The following TTC28 variants were observed in gnomAD, a reference collection of about 807,000 sequenced individuals.
TTC28 encodes tetratricopeptide repeat protein 28.
A neutral mutation model predicts 198.0 loss-of-function variants in TTC28; 61 were observed. That is an observed-to-expected ratio of 0.31 (90% CI 0.25 to 0.38). TTC28 has a LOEUF of 0.38. Among genes scored for constraint, TTC28 ranks in the 10% least tolerant of loss-of-function variants. The pLI is 1.00. For missense variants in TTC28, 2,678 were observed against 3,164.0 expected, an observed-to-expected ratio of 0.85 and a Z score of 3.69; for synonymous variants, 1,171 against 1,297.8, an observed-to-expected ratio of 0.90 and a Z score of 2.10.
intron 5 of TTC28, among the ~76,000 whole-genome samples, chr22:28,181,117 G>A (rs1923653981): frequency 6.6e-6 from 1 of 152,186 alleles, no homozygotes; most frequent in Admixed American, 6.5e-5. Flanking sequence ...CTTTTCCAAT[G>A]CTGTGGGACC....
intron 2 of TTC28, among the ~76,000 whole-genome samples, chr22:28,314,293 T>A (rs2045317696): frequency 6.6e-6 from 1 of 152,176 alleles, no homozygotes; most frequent in African/African-American, 2.4e-5. Context: ...TTACCCAAAG[T>A]AATTTATAGA....
intron 5 of TTC28, among the ~76,000 whole-genome samples, chr22:28,214,957 A>G (rs963412493): frequency 6.6e-6 from 1 of 152,238 alleles, no homozygotes; most frequent in African/African-American, 2.4e-5. Context: ...CAGCCATAAA[A>G]AAGGATGAGT....
intron 6 of TTC28, among the ~76,000 whole-genome samples, chr22:28,137,547 G>T (rs1181032591): frequency 6.6e-6 from 1 of 152,096 alleles, no homozygotes; most frequent in Non-Finnish European, 1.5e-5. Context: ...TTTGGAGGGA[G>T]AATATCCCAT....
chr22:28,085,375 G>C (rs1941544854), intron 12 of TTC28, among the ~76,000 whole-genome samples: 2 of 152,126 alleles, frequency 1.3e-5, no homozygotes, highest in South Asian at 4.1e-4. Context: ...TTAAAGAAAA[G>C]AATTTTCAAC....
At chr22:28,317,122 T>C (rs1361717912) in intron 2 of TTC28, among the ~76,000 whole-genome samples, 1 of 152,160 alleles carries the variant, frequency 6.6e-6, no homozygotes, top group Non-Finnish European at 1.5e-5. Context: ...CATTTTTATA[T>C]CTTTTATTTC....
chr22:28,122,899 A>C (rs913206343), intron 6 of TTC28, among the ~76,000 whole-genome samples: 1 of 152,224 alleles, frequency 6.6e-6, no homozygotes, highest in African/African-American at 2.4e-5. Flanking sequence ...AAAAATACCT[A>C]AGCCGTTCTT....
chr22:28,381,624 T>C (rs918851869), intron 2 of TTC28, among the ~76,000 whole-genome samples: 2 of 152,038 alleles, frequency 1.3e-5, no homozygotes, highest in Non-Finnish European at 2.9e-5. Context: ...AAACTGCAAA[T>C]TACAGGGAGA....
chr22:28,589,112 C>T (rs1352913780), intron 2 of TTC28, among the ~76,000 whole-genome samples: 1 of 152,124 alleles, frequency 6.6e-6, no homozygotes, highest in Non-Finnish European at 1.5e-5. Context: ...TGAGACCCTC[C>T]AATTCTTACC....
intron 6 of TTC28, among the ~76,000 whole-genome samples, chr22:28,132,450 C>G (rs551655959): frequency 6.6e-6 from 1 of 152,174 alleles, no homozygotes; most frequent in Non-Finnish European, 1.5e-5. Flanking sequence ...CTTCTTGGCT[C>G]AGTATAAATC....
chr22:27,993,588 T>C (rs992463562), intron 17 of TTC28, 70 bp from the exon 18 acceptor site: 6 of 1,418,278 alleles, frequency 4.2e-6, no homozygotes, highest in Non-Finnish European at 5.7e-6. Context: ...GCTTTGAGGG[T>C]ACACAAAGCC....
chr22:28,320,317 A>C (rs1458667487), intron 2 of TTC28, among the ~76,000 whole-genome samples: 3 of 151,972 alleles, frequency 2.0e-5, no homozygotes, highest in Non-Finnish European at 4.4e-5. Context: ...CACCCATAGA[A>C]TGAAGGCACA....
At chr22:27,990,833 GAAAA>G (rs1261526252) in intron 19 of TTC28, 21 bp from the exon 20 acceptor site, 7 of 1,545,980 alleles carry the variant, frequency 4.5e-6, no homozygotes, top group South Asian at 2.4e-5. Context: ...CAGATTATAA[GAAAA>G]AGAAAGAAAG....
At chr22:28,462,624 G>A (rs1273530988) in intron 2 of TTC28, among the ~76,000 whole-genome samples, 1 of 152,166 alleles carries the variant, frequency 6.6e-6, no homozygotes, top group African/African-American at 2.4e-5. Flanking sequence ...AAGTTACTTA[G>A]GAAGTTCTAT....
At chr22:28,601,364 T>C (rs2050636058) in intron 2 of TTC28, among the ~76,000 whole-genome samples, 1 of 152,182 alleles carries the variant, frequency 6.6e-6, no homozygotes, top group Non-Finnish European at 1.5e-5. Flanking sequence ...TCCATATCCA[T>C]GGGTTCTGCA....
intron 5 of TTC28, among the ~76,000 whole-genome samples, chr22:28,269,804 AG>A (rs555429655): frequency 2.0e-5 from 3 of 152,210 alleles, no homozygotes; most frequent in Non-Finnish European, 2.9e-5. Context: ...TCACATAAGA[AG>A]GGGACAACTA....
intron 12 of TTC28, among the ~76,000 whole-genome samples, chr22:28,051,352 G>C (rs1352872280): frequency 6.6e-6 from 1 of 152,150 alleles, no homozygotes; most frequent in South Asian, 2.1e-4. Flanking sequence ...CTGTTTGCCT[G>C]CAGTATTTGT....
At chr22:28,572,171 T>C (rs2050074024) in intron 2 of TTC28, among the ~76,000 whole-genome samples, 1 of 143,546 alleles carries the variant, frequency 7.0e-6, no homozygotes, top group South Asian at 2.2e-4. Context: ...CCATCTCTAC[T>C]GAAAATACAA....
intron 2 of TTC28, among the ~76,000 whole-genome samples, chr22:28,495,469 T>C (rs749842735): frequency 2.0e-5 from 3 of 152,170 alleles, no homozygotes; most frequent in Non-Finnish European, 4.4e-5. Flanking sequence ...ACTACAATCA[T>C]TCAAACTATT....
intron 5 of TTC28, among the ~76,000 whole-genome samples, chr22:28,292,023 TTA>T (rs2044797051): frequency 1.4e-5 from 2 of 146,226 alleles, no homozygotes; most frequent in Admixed American, 1.4e-4. Flanking sequence ...GTATTTATAA[TTA>T]GTTATTTTCA....
Sources: allele counts gnomAD v4.1 joint callset (sites outside exome capture counted in the v4.1 genomes callset), GRCh38; gene constraint gnomAD v4.1.1; transcripts MANE v1.5; gene names NCBI Gene and HGNC (gene_info 2026-07-23, HGNC 2026-07-21).